The following XPO6 variants were observed in gnomAD, a reference collection of about 807,000 sequenced individuals.
The protein encoded by XPO6 is exportin 6, also known as exportin-6.
Under a neutral mutation model 130.0 loss-of-function variants are expected in XPO6, and 3 were observed. The observed-to-expected ratio is 0.02, with a 90% CI of 0.01 to 0.06. XPO6 has a LOEUF of 0.06. Ranked by LOEUF, XPO6 falls within the 10% of genes least tolerant of loss-of-function variation. The pLI is 1.00. For missense variants in XPO6, 970 were observed against 1,393.0 expected (o/e 0.70, Z 4.83); for synonymous variants, 524 against 548.9 (o/e 0.95, Z 0.63).
At position 28,182,943 on chromosome 16, in the gene XPO6, C is replaced by CA. The variant is rs781348861; in HGVS notation, c.4-1913dup. Among the ~76,000 whole-genome samples, 246 of 151,594 alleles carry CA rather than the reference C, an allele frequency of 1.6e-3. 2 individuals are homozygous for CA. Among genetic ancestry groups the CA allele is most frequent in the South Asian group, 3.7e-3 (18 of 4,806 alleles). On this transcript the variant is annotated intron_variant, in intron 1 of 23. Transcript: ENST00000304658. ...AGGCTGTGGGAAGATGCAGAAGAAT[C>CA]AAAAAAAATAGCACATGTTAAAATA...
chr16:28,162,032 C>A (rs1333993830), intron 6 of XPO6, among the ~76,000 whole-genome samples: 1 of 152,188 alleles, frequency 6.6e-6, no homozygotes, highest in African/African-American at 2.4e-5. Flanking sequence ...ACCATGACTA[C>A]AAGCATAGAA....
At chr16:28,142,826 C>A (rs962080422) in intron 9 of XPO6, among the ~76,000 whole-genome samples, 3 of 152,146 alleles carry the variant, frequency 2.0e-5, no homozygotes, top group Admixed American at 6.5e-5. Context: ...CCACCTTGGT[C>A]CCCACAAGGA....
At chr16:28,163,165 A>G (rs2043304252) in intron 6 of XPO6, among the ~76,000 whole-genome samples, 1 of 152,192 alleles carries the variant, frequency 6.6e-6, no homozygotes. Context: ...AACTCTATTC[A>G]AGGAGCCCCT....
At position 28,101,491 on chromosome 16, in the gene XPO6, T is replaced by C; in HGVS notation, c.3243A>G (p.Lys1081=). ...TCTTGAAATTCCGCCCCAGCACACT[T>C]TTCTGGTTGGCATCCACACCATCAC... ...TSCDGVDANQ[K]SVLGRNFKMD... is the part of the protein sequence containing the mutation. Residue 1081 remains lysine, a synonymous_variant, in exon 23 of 24, where the codon AAA becomes AAG. Coordinates refer to ENST00000304658, the MANE Select transcript of XPO6 (RefSeq NM_015171.4). The surrounding 1 kb of genome is among the most constrained non-coding windows in gnomAD (Gnocchi z 5.4). 1 of 1,614,150 alleles carries C rather than the reference T, an allele frequency of 6.2e-7. No homozygotes were observed. The highest frequency in any genetic ancestry group is 8.5e-7 in the Non-Finnish European group (1 of 1,180,004).
intron 17 of XPO6, among the ~76,000 whole-genome samples, chr16:28,109,934 T>C (rs549328271): frequency 1.8e-4 from 27 of 152,332 alleles, no homozygotes; most frequent in South Asian, 8.3e-4. Context: ...TAAGAAAAAG[T>C]GTGTTGCAGA....
In XPO6 at chr16:28,146,099, G is replaced by A. The variant is rs2042978194; in HGVS notation, c.1329C>T (p.Leu443=). Residue 443 remains leucine, a synonymous_variant, in exon 9 of 24, where the codon CTC becomes CTT. Coordinates refer to ENST00000304658, the MANE Select transcript of XPO6 (RefSeq NM_015171.4). ...TCAGTGTTTGAGGAGTTTACCTGTT[G>A]AGAACTGCTTCCTTGTCTCCAAGAC... ...KSRLGDKEAV[L]NRYEDALVLL... is the part of the protein sequence containing the mutation. 2.5e-6 allele frequency: 4 copies of A among 1,612,234 alleles called. No homozygotes were observed. The South Asian group carries it at 3.3e-5, about 13-fold the overall frequency.
intron 13 of XPO6, among the ~76,000 whole-genome samples, chr16:28,124,708 C>A (rs189081296): frequency 6.6e-6 from 1 of 152,342 alleles, no homozygotes; most frequent in African/African-American, 2.4e-5. Context: ...TGCAAAAACA[C>A]AGAAAATGTC....
chr16:28,144,095 T>C (rs2042942186), intron 9 of XPO6, among the ~76,000 whole-genome samples: 1 of 152,196 alleles, frequency 6.6e-6, no homozygotes, highest in African/African-American at 2.4e-5. Flanking sequence ...CAAGAAAGAT[T>C]ATTTTGGCAA....
At chr16:28,100,930 T>G in intron 23 of XPO6, 1 of 182,254 alleles carries the variant, frequency 5.5e-6, no homozygotes, top group Non-Finnish European at 1.2e-5. Flanking sequence ...GACAAGAGGG[T>G]GAGTACTAGG....
chr16:28,122,243 A>AT lies in XPO6; in HGVS notation c.1767-482dup, dbSNP rs1244897091. ...GGATAGAGTGGGTAGATTATGGATGATTTTTTTCCCTCTATTTTTCTGCAT... is the reference window on the plus strand; with the variant it reads ...GGATAGAGTGGGTAGATTATGGATGATTTTTTTTCCCTCTATTTTTCTGCAT... On this transcript the variant is annotated intron_variant, in intron 13 of 23. Transcript: ENST00000304658. Among the ~76,000 whole-genome samples the AT allele has an allele frequency of 2.6e-5, 4 of 152,146 alleles. 1 individual carries two copies. The highest frequency in any genetic ancestry group is 2.1e-4 in the South Asian group (1 of 4,818).
intron 1 of XPO6, among the ~76,000 whole-genome samples, chr16:28,204,184 C>T (rs1466768228): frequency 1.3e-5 from 2 of 152,130 alleles, no homozygotes; most frequent in Non-Finnish European, 2.9e-5. Context: ...AAGAGAGATT[C>T]CCTAGCTTTA....
intron 1 of XPO6, among the ~76,000 whole-genome samples, chr16:28,200,891 C>T (rs976690717): frequency 2.6e-5 from 4 of 152,058 alleles, no homozygotes; most frequent in Non-Finnish European, 5.9e-5. Context: ...TGCATGAGGG[C>T]CCCTTAACGA....
At chr16:28,170,783 T>C (rs1340223656) in intron 4 of XPO6, among the ~76,000 whole-genome samples, 1 of 152,234 alleles carries the variant, frequency 6.6e-6, no homozygotes, top group African/African-American at 2.4e-5. Flanking sequence ...TTGCTGTTTC[T>C]ATCACGTGTA....
intron 1 of XPO6, among the ~76,000 whole-genome samples, chr16:28,204,213 A>G (rs28526068): frequency 1 from 151,585 of 152,194 alleles, 75,497 homozygotes; most frequent in Middle Eastern, 1. Flanking sequence ...ACATTTTAGC[A>G]GGAGACAACA....
chr16:28,130,712 G>T (rs996773701), intron 12 of XPO6, among the ~76,000 whole-genome samples: 1 of 152,158 alleles, frequency 6.6e-6, no homozygotes, highest in Admixed American at 6.5e-5. Flanking sequence ...CAGTAAACAG[G>T]CTTTAGTGAA....
chr16:28,173,822 C>A (rs1169852982), intron 4 of XPO6, among the ~76,000 whole-genome samples: 6 of 152,342 alleles, frequency 3.9e-5, no homozygotes, highest in African/African-American at 1.4e-4. Context: ...CCAAATCCAT[C>A]TTTTGTTACA....
chr16:28,135,135 G>A (rs1429036230), intron 10 of XPO6, 81 bp downstream of exon 10: 1 of 1,156,674 alleles, frequency 8.6e-7, no homozygotes, highest in Non-Finnish European at 1.3e-6. Context: ...TCGGAGCAGA[G>A]GGCTCTGGGT....
rs750762338 is a variant in XPO6 at position 28,100,595 on chromosome 16, G to T, written c.3276+863C>A. Among the ~76,000 whole-genome samples the T allele has an allele frequency of 2.0e-5, 3 of 152,208 alleles. No homozygotes were observed. The South Asian group carries it at 6.2e-4, about 32-fold the overall frequency. On this transcript the variant is annotated intron_variant, in intron 23 of 23. Transcript: ENST00000304658. ...TGCATCTGAGCACTACGGTGGAGCC[G>T]TGGACAAGCTGCTTCACAGAGGACT...
intron 1 of XPO6, among the ~76,000 whole-genome samples, chr16:28,199,814 G>C (rs1042677791): frequency 6.6e-6 from 1 of 151,700 alleles, no homozygotes; most frequent in Admixed American, 6.6e-5. Context: ...AAAGTGCTAG[G>C]ATTACAGGCA....
Sources: gnomAD v4.1 joint callset for allele counts (sites outside exome capture counted in the v4.1 genomes callset) on GRCh38, gnomAD v4.1.1 for gene constraint, Gnocchi (gnomAD v3.1) non-coding constraint, MANE v1.5 for transcripts, NCBI Gene and HGNC (gene_info 2026-07-23, HGNC 2026-07-21) for gene names.